Variants in ZFYVE1 observed in about 807,000 individuals in gnomAD.
The protein encoded by ZFYVE1 is zinc finger FYVE-type containing 1, also known as zinc finger FYVE domain-containing protein 1.
Under a neutral mutation model 74.4 loss-of-function variants are expected in ZFYVE1, and 30 were observed. The ratio of observed to expected loss-of-function variants is 0.40; its 90% CI spans 0.30 to 0.55. The LOEUF is 0.55. Ranked by LOEUF, ZFYVE1 falls within the 20% of genes least tolerant of loss-of-function variation. The pLI is 0.42. For synonymous variants in ZFYVE1, 335 were observed against 385.1 expected, an observed-to-expected ratio of 0.87 and a Z score of 1.52; for missense variants, 703 against 1,011.6, an observed-to-expected ratio of 0.69 and a Z score of 4.14.
At chr14:73,002,877 G>T (rs1449948914) in intron 2 of ZFYVE1, among the ~76,000 whole-genome samples, 10 of 143,118 alleles carry the variant, frequency 7.0e-5, no homozygotes, top group East Asian at 4.2e-4. Flanking sequence ...GAGTAGCTGG[G>T]ACTACAGGCG....
intron 2 of ZFYVE1, among the ~76,000 whole-genome samples, chr14:72,999,504 T>G (rs1362093075): frequency 4.0e-5 from 6 of 151,850 alleles, no homozygotes; most frequent in African/African-American, 1.5e-4. Context: ...GGAAGATGGC[T>G]CAAGCCCAGG....
At chr14:72,977,276 C>G (rs755480326) in intron 8 of ZFYVE1, among the ~76,000 whole-genome samples, 1 of 151,966 alleles carries the variant, frequency 6.6e-6, no homozygotes, top group African/African-American at 2.4e-5. Context: ...GCGTGGCGGT[C>G]GTGCCTGTAA....
chr14:73,026,956 G>C lies in ZFYVE1; in HGVS notation c.-465C>G. On this transcript the variant is annotated 5_prime_UTR_variant, in exon 1 of 12. Transcript: ENST00000556143. The stretch of plus-strand genomic sequence containing the variant: ...AGAAGCTCGGCCGCAGCAAGGCGGC[G>C]TCGGGGGGCCGCAGGGCGCCAGTGG... 1 of 398,860 alleles carries C rather than the reference G, an allele frequency of 2.5e-6. No individual in the cohort carries two copies. The highest frequency in any genetic ancestry group is 4.4e-6 in the Non-Finnish European group (1 of 226,316). The allele number at this position is 398,860 out of a possible 1,614,324, so 24.7% of individuals were successfully genotyped here.
intron 4 of ZFYVE1, chr14:72,986,892 C>T (rs963550417): frequency 7.9e-5 from 78 of 985,402 alleles, no homozygotes; most frequent in Non-Finnish European, 9.3e-5. Context: ...AATTCCAAAC[C>T]TCACATCATT....
intron 11 of ZFYVE1, among the ~76,000 whole-genome samples, chr14:72,972,771 G>T (rs1391623278): frequency 6.6e-6 from 1 of 150,536 alleles, no homozygotes; most frequent in East Asian, 2.0e-4. Flanking sequence ...GCAGTGGTGC[G>T]ATCTCGCCTC....
chr14:72,974,889 C>A lies in ZFYVE1; in HGVS notation c.1877G>T (p.Gly626Val). 1 of 1,614,136 alleles carries A rather than the reference C, an allele frequency of 6.2e-7. No homozygotes were observed. The highest frequency in any genetic ancestry group is 8.5e-7 in the Non-Finnish European group (1 of 1,179,998). The change falls in exon 10 of 12, where the codon GGC (glycine) becomes GTC (valine). Residue 626 changes from glycine (G) to valine (V), a missense_variant. Physicochemically the swap from Gly to Val is moderately radical, Grantham distance 109. Around this residue, in one of 2 missense-constraint regions of ZFYVE1, gnomAD observed 492 missense variants for 790.0 expected, o/e 0.62. Transcript: ENST00000556143. ...CTTTGATGAACAGCTGTCACAGAAG[C>A]CCTCCCCACAGGCTCGGCAGTGATG... is the stretch of plus-strand genomic sequence containing the variant. ...TKHHCRACGEGFCDSCSSKTR... is the reference protein window; with the variant it reads ...TKHHCRACGEVFCDSCSSKTR...
At chr14:72,996,204 C>T (rs1240188231) in intron 3 of ZFYVE1, among the ~76,000 whole-genome samples, 1 of 152,000 alleles carries the variant, frequency 6.6e-6, no homozygotes, top group African/African-American at 2.4e-5. Context: ...AAAGTGATGG[C>T]ACTACATTTA....
intron 2 of ZFYVE1, among the ~76,000 whole-genome samples, chr14:73,020,314 T>C (rs1423251381): frequency 6.6e-6 from 1 of 150,966 alleles, no homozygotes; most frequent in Non-Finnish European, 1.5e-5. Flanking sequence ...ATGAAAAAAT[T>C]CTAGAAAGGC....
rs201983681 is a variant in ZFYVE1, at chr14:72,975,640, C to G, written c.1717G>C (p.Glu573Gln). The change falls in exon 9 of 12, where the codon GAG (glutamate) becomes CAG (glutamine). Residue 573 changes from glutamate to glutamine, a missense_variant. Coordinates refer to ENST00000556143, the MANE Select transcript of ZFYVE1 (RefSeq NM_021260.4). This position sits in a 1 kb window ranked among gnomAD's most constrained non-coding sequence, Gnocchi z 4.1. Reference protein sequence around the residue: ...GMNFMAQSVSELSLGPTKAVT... With the variant: ...GMNFMAQSVSQLSLGPTKAVT... ...GCCTTGGTGGGTCCAAGGCTAAGCTCGGACACCGACTGAGCCATGAAGTTC... is the reference window on the plus strand; with the variant it reads ...GCCTTGGTGGGTCCAAGGCTAAGCTGGGACACCGACTGAGCCATGAAGTTC... 6.2e-7 allele frequency: 1 copy of G among 1,614,174 alleles called. No homozygotes were observed. Among genetic ancestry groups the G allele is most frequent in the East Asian group, 2.2e-5 (1 of 44,878 alleles).
intron 2 of ZFYVE1, among the ~76,000 whole-genome samples, chr14:73,020,719 G>C (rs1195989293): frequency 6.6e-6 from 1 of 152,220 alleles, no homozygotes; most frequent in African/African-American, 2.4e-5. Flanking sequence ...GGCTCAGCCT[G>C]TAATCCCAGC....
At chr14:73,000,032 C>T (rs1203777226) in intron 2 of ZFYVE1, among the ~76,000 whole-genome samples, 3 of 152,126 alleles carry the variant, frequency 2.0e-5, no homozygotes, top group Non-Finnish European at 4.4e-5. Flanking sequence ...GCACTCCAGT[C>T]TGGGTGACAG....
chr14:73,019,290 C>T (rs1468130845), intron 2 of ZFYVE1, among the ~76,000 whole-genome samples: 1 of 152,104 alleles, frequency 6.6e-6, no homozygotes, highest in Non-Finnish European at 1.5e-5. Flanking sequence ...AAAATAACCT[C>T]TATCTATGGG....
rs779665501 is a variant in ZFYVE1, at chr14:73,024,639, C to G, written c.-131G>C. 7.8e-7 allele frequency: 1 copy of G among 1,276,432 alleles called. No individual in the cohort carries two copies. The highest frequency in any genetic ancestry group is 2.5e-5 in the East Asian group (1 of 39,354). 79.1% of individuals were successfully genotyped at this position (1,276,432 alleles called of 1,614,324 possible). A position where few individuals can be genotyped will look rare whatever the true frequency, so the allele number is the denominator to read the frequency against. On this transcript the variant is annotated 5_prime_UTR_variant, in exon 2 of 12. Coordinates refer to ENST00000556143, the MANE Select transcript of ZFYVE1 (RefSeq NM_021260.4). Reference sequence around the variant, plus strand: ...GTTCTGAACACTTTAAAAAAGAACACCTTTCATGTCCTGTTATAGTTCTTC... The same window carrying G: ...GTTCTGAACACTTTAAAAAAGAACAGCTTTCATGTCCTGTTATAGTTCTTC...
chr14:73,005,839 T>C (rs1893966275), intron 2 of ZFYVE1, among the ~76,000 whole-genome samples: 1 of 152,146 alleles, frequency 6.6e-6, no homozygotes, highest in South Asian at 2.1e-4. Context: ...GATTCAGCAA[T>C]GTAGTAAGAT....
intron 5 of ZFYVE1, among the ~76,000 whole-genome samples, chr14:72,981,471 C>T (rs1893329278): frequency 6.6e-6 from 1 of 152,062 alleles, no homozygotes; most frequent in Non-Finnish European, 1.5e-5. Flanking sequence ...CACAGAAAAG[C>T]AGGCAACCCA....
At chr14:73,021,119 C>A (rs190380386) in intron 2 of ZFYVE1, among the ~76,000 whole-genome samples, 1 of 151,936 alleles carries the variant, frequency 6.6e-6, no homozygotes, top group Non-Finnish European at 1.5e-5. Flanking sequence ...CTGAGGCGGG[C>A]GGATAACTTG....
At chr14:73,015,296 A>AG (rs1567362951) in intron 2 of ZFYVE1, among the ~76,000 whole-genome samples, 526 of 44,676 alleles carry the variant, frequency 0.012, 8 homozygotes, top group Admixed American at 0.02. Context: ...AAGGAAGGAA[A>AG]GAAGGGAGGG....
Position 72,978,244 on chromosome 14 carries a change from G to A in ZFYVE1, c.1420-10C>T. On this transcript the variant is annotated splice_polypyrimidine_tract_variant and intron_variant, in intron 6 of 11. Coordinates refer to ENST00000556143, the MANE Select transcript of ZFYVE1 (RefSeq NM_021260.4). ...CTCTCTCATAGCAGGCCTGAAACAG[G>A]AAACACTCTGCTAGCTTATTGTTTG... The A allele has an allele frequency of 1.2e-6, 2 of 1,612,466 alleles. No homozygotes were observed. Among genetic ancestry groups the A allele is most frequent in the East Asian group, 2.2e-5 (1 of 44,844 alleles).
At position 72,994,129 on chromosome 14, in the gene ZFYVE1, C is replaced by T. The variant is rs572990116; in HGVS notation, c.989-772G>A. Reference sequence around the variant, plus strand: ...CCTGAGGTCGGGAGTTCGAGACCAGCCTGGCCAACGTGGTAAAACCCCATC... The same window carrying T: ...CCTGAGGTCGGGAGTTCGAGACCAGTCTGGCCAACGTGGTAAAACCCCATC... On this transcript the variant is annotated intron_variant, in intron 3 of 11. Transcript: ENST00000556143. 4.0e-5 allele frequency among the ~76,000 whole-genome samples: 6 copies of T among 151,288 alleles called. No homozygotes were observed. In the South Asian group the frequency reaches 6.3e-4, roughly 16 times the overall value.
Sources: allele counts gnomAD v4.1 joint callset (sites outside exome capture counted in the v4.1 genomes callset), GRCh38; gene constraint gnomAD v4.1.1; regional missense constraint gnomAD v4.1.1; non-coding constraint Gnocchi (gnomAD v3.1); transcripts MANE v1.5; gene names NCBI Gene and HGNC (gene_info 2026-07-23, HGNC 2026-07-21).